Variants in PUS10 observed in about 807,000 individuals in gnomAD.
PUS10 encodes the protein tRNA pseudouridine synthase Pus10.
PUS10 carries 59 observed loss-of-function variants against 75.0 expected under a neutral mutation model. That is an observed-to-expected ratio of 0.79 (90% CI 0.64 to 0.98). The LOEUF is 0.98. PUS10 is among the 50% of genes least tolerant of loss of function. The probability of loss-of-function intolerance (pLI) is 0.00; values close to 1 mark genes in which losing one functional copy is unlikely to be tolerated. For synonymous variants in PUS10, 219 were observed against 211.6 expected (o/e 1.03, Z -0.30); for missense variants, 650 against 614.4 (o/e 1.06, Z -0.61).
chr2:60,956,367 T>C (rs1009120265), intron 11 of PUS10, among the ~76,000 whole-genome samples: 5 of 152,182 alleles, frequency 3.3e-5, no homozygotes, highest in Non-Finnish European at 7.3e-5. Context: ...TGCAGACTCC[T>C]TGGGGCTAGG....
chr2:60,992,633 C>T (rs1678185037), intron 4 of PUS10, among the ~76,000 whole-genome samples: 1 of 152,192 alleles, frequency 6.6e-6, no homozygotes, highest in African/African-American at 2.4e-5. Flanking sequence ...TCATATTATG[C>T]TTCTTAATAT....
chr2:60,991,416 C>G (rs1678068973), intron 4 of PUS10, among the ~76,000 whole-genome samples: 1 of 152,056 alleles, frequency 6.6e-6, no homozygotes, highest in Non-Finnish European at 1.5e-5. Context: ...ACAAGGAATC[C>G]AAGTATTCCA....
chr2:61,008,499 A>G (rs998840038), intron 3 of PUS10, among the ~76,000 whole-genome samples: 6 of 152,134 alleles, frequency 3.9e-5, no homozygotes, highest in African/African-American at 1.4e-4. Context: ...CTCAAAAAAA[A>G]AGAAAAAAAA....
intron 1 of PUS10, chr2:61,017,578 T>C: frequency 1.8e-6 from 1 of 561,870 alleles, no homozygotes; most frequent in Non-Finnish European, 3.2e-6. Flanking sequence ...TCCTACAAAT[T>C]AGTGGCATCC....
At chr2:60,986,641 C>A (rs1283825963) in intron 4 of PUS10, among the ~76,000 whole-genome samples, 2 of 152,200 alleles carry the variant, frequency 1.3e-5, no homozygotes, top group Non-Finnish European at 2.9e-5. Context: ...TAAAGCAATA[C>A]ACCAAAAACT....
intron 11 of PUS10, among the ~76,000 whole-genome samples, chr2:60,956,974 CAAAAAA>C (rs56804354): frequency 2.5e-3 from 49 of 19,250 alleles, no homozygotes; most frequent in Non-Finnish European, 2.6e-3. Flanking sequence ...GACTCCATCT[CAAAAAA>C]AAAAAAAAAA....
chr2:60,953,926 C>CTCT lies in PUS10; in HGVS notation c.1190+4_1190+6dup. ...TTTGAAATCATCTCCAATGAGCCTA[C>CTCT]TCTTACCTTGTGACAAGCTGCAAGT... On this transcript the variant is annotated splice_region_variant and intron_variant, in intron 14 of 17. Coordinates refer to ENST00000316752, the MANE Select transcript of PUS10 (RefSeq NM_144709.4). The CTCT allele has an allele frequency of 6.2e-7, 1 of 1,613,062 alleles. No homozygotes were observed. The highest frequency in any genetic ancestry group is 1.1e-5 in the South Asian group (1 of 91,052).
intron 11 of PUS10, 54 bp downstream of exon 11, chr2:60,960,337 CT>C: frequency 1.5e-6 from 2 of 1,313,576 alleles, no homozygotes; most frequent in Non-Finnish European, 2.0e-6. Context: ...AAGCAAGCCC[CT>C]ATCTCAAAAA....
intron 3 of PUS10, among the ~76,000 whole-genome samples, chr2:61,007,598 G>A (rs984794876): frequency 2.0e-5 from 3 of 151,692 alleles, no homozygotes; most frequent in Non-Finnish European, 4.4e-5. Context: ...GTGAAACCCC[G>A]TCTCTACTAA....
intron 7 of PUS10, 50 bp from the exon 8 acceptor site, chr2:60,965,153 G>T: frequency 1.3e-6 from 2 of 1,533,074 alleles, no homozygotes; most frequent in South Asian, 2.3e-5. Context: ...TTATTTTGGG[G>T]TAGATATAAT....
chr2:60,964,081 A>G (rs1676192567), intron 8 of PUS10, among the ~76,000 whole-genome samples: 1 of 152,198 alleles, frequency 6.6e-6, no homozygotes, highest in African/African-American at 2.4e-5. Context: ...TGGAAACCCC[A>G]GGCCTGTTGC....
At chr2:61,017,917 T>C (rs1168203675) in intron 1 of PUS10, 91 bp downstream of exon 1, 1 of 1,483,942 alleles carries the variant, frequency 6.7e-7, no homozygotes, top group African/African-American at 1.4e-5. Flanking sequence ...AGGAGGCGGT[T>C]GTAGCGGTTG....
chr2:60,958,890 A>G (rs988048185), intron 11 of PUS10, among the ~76,000 whole-genome samples: 2 of 152,196 alleles, frequency 1.3e-5, no homozygotes, highest in African/African-American at 4.8e-5. Flanking sequence ...TGTCTCAAAA[A>G]AAAAAGGTTT....
At chr2:60,952,879 G>A in intron 15 of PUS10, 118 bp downstream of exon 15, 1 of 613,252 alleles carries the variant, frequency 1.6e-6, no homozygotes, top group Non-Finnish European at 2.9e-6. Flanking sequence ...TTGGAACCCA[G>A]GTCTTGCTGA....
rs143420781 is a variant in PUS10, at chr2:60,967,603, G to A, written c.514C>T (p.Leu172=). ...ACTATATCATCTCTTCCCAGCGACA[G>A]ACTCTGCTTTCTGAATAACATAAAA... ...LVKQEMGKQS[L]SLGRDDIVQL... Residue 172 remains leucine, a synonymous_variant, in exon 6 of 18, where the codon CTG becomes TTG. Transcript: ENST00000316752. 1.1e-4 allele frequency: 180 copies of A among 1,597,250 alleles called. No homozygotes were observed. In the East Asian group the frequency reaches 3.6e-3, roughly 32 times the overall value.
At chr2:61,006,170 T>A (rs1679199145) in intron 4 of PUS10, among the ~76,000 whole-genome samples, 1 of 152,234 alleles carries the variant, frequency 6.6e-6, no homozygotes, top group Non-Finnish European at 1.5e-5. Flanking sequence ...AGAAGGCTCA[T>A]CATAATTGAA....
chr2:61,017,798 G>A, intron 1 of PUS10: 2 of 1,550,506 alleles, frequency 1.3e-6, no homozygotes, highest in Non-Finnish European at 1.7e-6. Context: ...AACCCTGGGA[G>A]ACCCGCCGAA....
rs182675777 is a variant in PUS10 at position 60,963,903 on chromosome 2, A to T, written c.724-1013T>A. Among the ~76,000 whole-genome samples, 27 of 152,366 alleles carry T rather than the reference A, an allele frequency of 1.8e-4. No individual in the cohort carries two copies. The East Asian group carries it at 4.6e-3, about 26-fold the overall frequency. On this transcript the variant is annotated intron_variant, in intron 8 of 17. Coordinates refer to ENST00000316752, the MANE Select transcript of PUS10 (RefSeq NM_144709.4). ...ATCCTATTACTTGATGCCTATTATT[A>T]TATTTCCTTAAGGGTAAATAAAATA...
At chr2:60,945,232 A>C in intron 16 of PUS10, 124 bp from the exon 17 acceptor site, 1 of 603,806 alleles carries the variant, frequency 1.7e-6, no homozygotes. Context: ...CTGAGCTCTG[A>C]CTTGTGTGTC....
Sources: allele counts gnomAD v4.1 joint callset (sites outside exome capture counted in the v4.1 genomes callset), GRCh38; gene constraint gnomAD v4.1.1; transcripts MANE v1.5; gene names NCBI Gene and HGNC (gene_info 2026-07-23, HGNC 2026-07-21).